The following GRID2 variants were observed in gnomAD, a reference collection of about 807,000 sequenced individuals.
GRID2 encodes the protein glutamate receptor ionotropic, delta-2.
GRID2 carries 33 observed loss-of-function variants against 114.8 expected under a neutral mutation model. The ratio of observed to expected loss-of-function variants is 0.29; its 90% confidence interval spans 0.22 to 0.38. The LOEUF is 0.38. Among genes scored for constraint, GRID2 ranks in the 10% least tolerant of loss-of-function variants. GRID2 has a pLI of 1.00. For missense variants in GRID2, 1,184 were observed against 1,257.7 expected, an observed-to-expected ratio of 0.94 and a Z score of 0.89; for synonymous variants, 505 against 449.9, an observed-to-expected ratio of 1.12 and a Z score of -1.55.
chr4:93,238,549 T>C (rs1747083212), intron 8 of GRID2, 59 bp downstream of exon 8: 1 of 1,490,730 alleles, frequency 6.7e-7, no homozygotes, highest in Non-Finnish European at 9.3e-7. Flanking sequence ...TGCTTGATTG[T>C]TTTCCATGCA....
intron 9 of GRID2, among the ~76,000 whole-genome samples, chr4:93,399,323 T>C (rs1765660918): frequency 6.6e-6 from 1 of 152,092 alleles, no homozygotes; most frequent in Non-Finnish European, 1.5e-5. Context: ...TGGATTTTTC[T>C]TACCAAAATT....
intron 2 of GRID2, among the ~76,000 whole-genome samples, chr4:92,697,515 A>G (rs1734475640): frequency 6.6e-6 from 1 of 152,182 alleles, no homozygotes; most frequent in African/African-American, 2.4e-5. Flanking sequence ...AGGGAAAATT[A>G]AGAAGAGATA....
chr4:93,526,203 G>C lies in GRID2; in HGVS notation c.2193+10792G>C, dbSNP rs547874288. ...TCACAATAGTGAGTGAGTTCTTGCC[G>C]AGCTAGTGGTTTTAAAGTGATATTT... On this transcript the variant is annotated intron_variant, in intron 13 of 15. Transcript: ENST00000282020. Among the ~76,000 whole-genome samples, 5 of 152,148 alleles carry C rather than the reference G, an allele frequency of 3.3e-5. No individual in the cohort carries two copies. The East Asian group carries it at 7.8e-4, about 24-fold the overall frequency.
Position 93,594,087 on chromosome 4 carries a change from G to A in GRID2, c.2194-32182G>A, listed in dbSNP as rs1178723592. 3.9e-4 allele frequency among the ~76,000 whole-genome samples: 60 copies of A among 152,268 alleles called. No homozygotes were observed. The South Asian group carries it at 7.3e-3, about 18-fold the overall frequency. The stretch of plus-strand genomic sequence containing the variant: ...GTCGTTCTCCGTCCAGCTTTGTTCC[G>A]TTGCTGGTGAGGAGCTGCATTCCTT... On this transcript the variant is annotated intron_variant, in intron 13 of 15. Coordinates refer to ENST00000282020, the MANE Select transcript of GRID2 (RefSeq NM_001510.4).
chr4:92,744,605 G>T (rs1284820924), intron 2 of GRID2, among the ~76,000 whole-genome samples: 1 of 151,372 alleles, frequency 6.6e-6, no homozygotes, highest in Non-Finnish European at 1.5e-5. Flanking sequence ...CCCACATTAT[G>T]TCTTTCCCAA....
chr4:93,459,740 C>T (rs1394711164), intron 11 of GRID2, among the ~76,000 whole-genome samples: 4 of 152,144 alleles, frequency 2.6e-5, no homozygotes, highest in African/African-American at 9.7e-5. Flanking sequence ...CTAGGCAACT[C>T]TCTGACTATA....
intron 1 of GRID2, among the ~76,000 whole-genome samples, chr4:92,433,901 C>G (rs1322869875): frequency 2.6e-5 from 4 of 151,924 alleles, no homozygotes; most frequent in Admixed American, 2.0e-4. Context: ...TAAAAGAGAG[C>G]AAGCAAGAAC....
At chr4:93,276,327 A>C (rs1280827197) in intron 8 of GRID2, among the ~76,000 whole-genome samples, 1 of 152,038 alleles carries the variant, frequency 6.6e-6, no homozygotes, top group African/African-American at 2.4e-5. Flanking sequence ...TCCTAATACC[A>C]GTCCCCACTA....
chr4:92,317,730 G>T (rs578036399), intron 1 of GRID2, among the ~76,000 whole-genome samples: 1 of 152,246 alleles, frequency 6.6e-6, no homozygotes, highest in African/African-American at 2.4e-5. Flanking sequence ...TCTGAAGATA[G>T]AACTTGCTCT....
chr4:93,061,127 T>C (rs527570894), intron 2 of GRID2, among the ~76,000 whole-genome samples: 66 of 146,968 alleles, frequency 4.5e-4, no homozygotes, highest in African/African-American at 1.6e-3. Context: ...AATAAATAAA[T>C]AAATAAATAA....
At chr4:92,557,484 C>T (rs115069570) in intron 1 of GRID2, among the ~76,000 whole-genome samples, 91 of 151,248 alleles carry the variant, frequency 6.0e-4, no homozygotes, top group Admixed American at 1.1e-3. Flanking sequence ...TATATCCTAA[C>T]ACATATATTT....
intron 7 of GRID2, among the ~76,000 whole-genome samples, chr4:93,227,194 C>T (rs1199569210): frequency 1.3e-5 from 2 of 152,062 alleles, no homozygotes; most frequent in African/African-American, 4.8e-5. Flanking sequence ...ATATCTTTAG[C>T]AAATAGTACT....
rs576078157 is a variant in GRID2, at chr4:93,492,021, C to G, written c.1997+1244C>G. On this transcript the variant is annotated intron_variant, in intron 12 of 15. Coordinates refer to ENST00000282020, the MANE Select transcript of GRID2 (RefSeq NM_001510.4). The stretch of plus-strand genomic sequence containing the variant: ...CCTTTGATACAGAACCTTCATATTC[C>G]CCCAATTTATTGTCCATGTAAATAG... Among the ~76,000 whole-genome samples, 5 of 151,798 alleles carry G rather than the reference C, an allele frequency of 3.3e-5. No homozygotes were observed. The East Asian group carries it at 9.8e-4, about 30-fold the overall frequency.
chr4:93,322,776 T>G (rs1757375931), intron 8 of GRID2, among the ~76,000 whole-genome samples: 1 of 152,184 alleles, frequency 6.6e-6, no homozygotes, highest in Admixed American at 6.5e-5. Context: ...TGGTTTTGAT[T>G]TGCATTTCTC....
intron 2 of GRID2, among the ~76,000 whole-genome samples, chr4:92,898,329 A>G (rs1390254955): frequency 2.0e-5 from 3 of 152,136 alleles, no homozygotes; most frequent in Non-Finnish European, 4.4e-5. Flanking sequence ...TTTTAACCAT[A>G]TATAGAACCT....
chr4:93,259,420 G>A (rs1030165504), intron 8 of GRID2, among the ~76,000 whole-genome samples: 2 of 151,672 alleles, frequency 1.3e-5, no homozygotes, highest in Admixed American at 1.3e-4. Flanking sequence ...AAATAGTCTC[G>A]ACTGTGTTCA....
intron 14 of GRID2, among the ~76,000 whole-genome samples, chr4:93,654,289 C>G (rs1296121291): frequency 6.6e-6 from 1 of 152,106 alleles, no homozygotes; most frequent in Admixed American, 6.5e-5. Context: ...AAACTCTGGC[C>G]CCTGCTTTAT....
intron 2 of GRID2, among the ~76,000 whole-genome samples, chr4:92,810,601 G>A (rs893546043): frequency 1.3e-5 from 2 of 152,068 alleles, no homozygotes; most frequent in East Asian, 3.9e-4. Flanking sequence ...GATATACAAG[G>A]TTGTGTGTAA....
intron 13 of GRID2, among the ~76,000 whole-genome samples, chr4:93,619,869 C>T (rs968438960): frequency 1.3e-5 from 2 of 152,152 alleles, no homozygotes; most frequent in African/African-American, 2.4e-5. Context: ...TATTTCTTTA[C>T]GTAACTGTTG....
Sources: allele counts gnomAD v4.1 joint callset (sites outside exome capture counted in the v4.1 genomes callset), GRCh38; gene constraint gnomAD v4.1.1; transcripts MANE v1.5; gene names NCBI Gene and HGNC (gene_info 2026-07-23, HGNC 2026-07-21).